The following LINGO3 variants were observed in gnomAD, a reference collection of about 807,000 sequenced individuals.
LINGO3 encodes the protein leucine-rich repeat and immunoglobulin-like domain-containing nogo receptor-interacting protein 3.
For missense variants in LINGO3, 750 were observed against 867.7 expected (o/e 0.86, Z 1.70); for synonymous variants, 427 against 444.2 (o/e 0.96, Z 0.49).
Position 2,290,086 on chromosome 19 carries a change from GAGA to G in LINGO3, c.1688_1690del (p.Phe563del), listed in dbSNP as rs779246489. The stretch of plus-strand genomic sequence containing the variant: ...CACCTTGCGGAAGGAGTACTCCACC[GAGA>G]AGTTGTTTTTGTGCTGCCCGCGGCC... On this transcript the variant is annotated inframe_deletion, in exon 1 of 1. Transcript: ENST00000585527. The surrounding 1 kb of genome is among the most constrained non-coding windows in gnomAD (Gnocchi z 6.0). The G allele has an allele frequency of 3.8e-6, 6 of 1,589,388 alleles. No individual in the cohort carries two copies. Among genetic ancestry groups the G allele is most frequent in the Non-Finnish European group, 5.1e-6 (6 of 1,168,898 alleles).
At chr19:2,295,135 G>T (rs776205573), upstream of LINGO3, among the ~76,000 whole-genome samples, 13 of 152,326 alleles carry the variant, frequency 8.5e-5, no homozygotes, top group Non-Finnish European at 1.5e-4. Flanking sequence ...TGAATTGTAC[G>T]TAAGTGAGGA....
the LINGO3 span, among the ~76,000 whole-genome samples, chr19:2,306,927 AC>A: frequency 6.6e-6 from 1 of 151,882 alleles, no homozygotes; most frequent in African/African-American, 2.4e-5. Flanking sequence ...GCGGCAGCCC[AC>A]CCCACACCAG....
the LINGO3 span, among the ~76,000 whole-genome samples, chr19:2,303,570 G>C: frequency 6.6e-6 from 1 of 152,296 alleles, no homozygotes; most frequent in South Asian, 2.1e-4. Context: ...GAGGTGTCCG[G>C]ACTTGCATCC....
chr19:2,303,396 G>A, the LINGO3 span, among the ~76,000 whole-genome samples: 12 of 152,232 alleles, frequency 7.9e-5, no homozygotes, highest in South Asian at 1.7e-3. Flanking sequence ...TGTGTTTGAC[G>A]GGCCCAGGGA....
the LINGO3 span, among the ~76,000 whole-genome samples, chr19:2,299,247 A>T: frequency 2.0e-5 from 3 of 152,094 alleles, no homozygotes; most frequent in South Asian, 6.2e-4. Flanking sequence ...GGGATCTGGC[A>T]GCTGGACTCA....
the LINGO3 span, among the ~76,000 whole-genome samples, chr19:2,297,598 C>T: frequency 3.3e-5 from 5 of 149,314 alleles, no homozygotes; most frequent in South Asian, 6.4e-4. Context: ...CCACCGCACC[C>T]GGCCTTTTTT....
the LINGO3 span, among the ~76,000 whole-genome samples, chr19:2,301,366 G>A: frequency 2.6e-5 from 4 of 151,954 alleles, no homozygotes; most frequent in Admixed American, 6.6e-5. Flanking sequence ...GCTGAGAAGC[G>A]TCCCTGGCCT....
downstream of LINGO3, among the ~76,000 whole-genome samples, chr19:2,288,395 C>T (rs1028691878): frequency 3.3e-5 from 5 of 152,190 alleles, no homozygotes; most frequent in African/African-American, 1.2e-4. This position sits in a 1 kb window ranked among gnomAD's most constrained non-coding sequence, Gnocchi z 6.5. Context: ...ACCTGAGCCA[C>T]GGGTCAGCAG....
chr19:2,287,912 C>T (rs1568410789), downstream of LINGO3, among the ~76,000 whole-genome samples: 1 of 152,196 alleles, frequency 6.6e-6, no homozygotes, highest in South Asian at 2.1e-4. The surrounding 1 kb of genome is among the most constrained non-coding windows in gnomAD (Gnocchi z 4.5). Flanking sequence ...AAGCCCCTTT[C>T]TGGCTGAGGT....
At chr19:2,301,836 G>A in the LINGO3 span, among the ~76,000 whole-genome samples, 1 of 150,096 alleles carries the variant, frequency 6.7e-6, no homozygotes, top group African/African-American at 2.5e-5. Flanking sequence ...GCTGAGGCAG[G>A]AGAATGGCGT....
At chr19:2,306,860 T>G in the LINGO3 span, among the ~76,000 whole-genome samples, 1 of 152,154 alleles carries the variant, frequency 6.6e-6, no homozygotes, top group Non-Finnish European at 1.5e-5. Flanking sequence ...ACTCAGATCC[T>G]GTCTCCGACG....
chr19:2,289,621 G>A (rs924151851), downstream of LINGO3, among the ~76,000 whole-genome samples: 1 of 151,998 alleles, frequency 6.6e-6, no homozygotes, highest in Non-Finnish European at 1.5e-5. Flanking sequence ...AGGGCTTGGG[G>A]GCAGCAGTCT....
the LINGO3 span, among the ~76,000 whole-genome samples, chr19:2,300,514 C>G: frequency 2.4e-4 from 37 of 152,156 alleles, no homozygotes; most frequent in African/African-American, 6.5e-4. Flanking sequence ...GGAACACCAT[C>G]TGCTCACAGA....
rs919986794 is a variant in LINGO3, at chr19:2,290,512, C to T, written c.1265G>A (p.Gly422Asp). The change falls in exon 1 of 1, where the codon GGC becomes GAC. Residue 422 changes from glycine to aspartate, a missense_variant. Physicochemically the swap from Gly to Asp is moderately conservative, Grantham distance 94. Coordinates refer to ENST00000585527, the Ensembl canonical transcript of LINGO3. The surrounding 1 kb of genome is among the most constrained non-coding windows in gnomAD (Gnocchi z 6.0). ...GCGGCAGAGGAAGCGGACGTCTTCG[C>T]CCGCGGTGGCCGTGACGCGCTGCAG... 11 of 1,505,916 alleles carry T rather than the reference C, an allele frequency of 7.3e-6. No homozygotes were observed. The Admixed American group carries it at 1.0e-4, about 14-fold the overall frequency. The allele number at this position is 1,505,916 out of a possible 1,614,324, so 93.3% of individuals were successfully genotyped here.
chr19:2,291,778 G>C (rs1393635309), exon 1 of LINGO3: 1 of 1,413,324 alleles, frequency 7.1e-7, no homozygotes, highest in Non-Finnish European at 9.2e-7. Flanking sequence ...GCAGGTCATG[G>C]TGCGGAGCGT....
At chr19:2,307,483 C>G in the LINGO3 span, among the ~76,000 whole-genome samples, 3 of 152,100 alleles carry the variant, frequency 2.0e-5, no homozygotes, top group Non-Finnish European at 4.4e-5. Context: ...GGCACCCACT[C>G]AGGGTGCCCA....
chr19:2,289,228 AAGCTGTGTGTCCCGGGTGTG>A (rs2025493607), downstream of LINGO3, among the ~76,000 whole-genome samples: 1 of 85,856 alleles, frequency 1.2e-5, no homozygotes, highest in Non-Finnish European at 2.3e-5. Context: ...TCCCGGGTGT[AAGCTGTGTGTCCCGGGTGTG>A]AGCTGTGTGT....
At chr19:2,287,466 G>C (rs1339230068), downstream of LINGO3, among the ~76,000 whole-genome samples, 2 of 152,198 alleles carry the variant, frequency 1.3e-5, no homozygotes, top group Admixed American at 1.3e-4. This position sits in a 1 kb window ranked among gnomAD's most constrained non-coding sequence, Gnocchi z 4.5. Flanking sequence ...GGTGGCGGTT[G>C]GGGTTGCACG....
chr19:2,308,142 AGCC>A, the LINGO3 span, among the ~76,000 whole-genome samples: 2,441 of 139,654 alleles, frequency 0.017, 67 homozygotes, highest in African/African-American at 0.049. Context: ...CGACACGAGC[AGCC>A]GCCGCCGCCG....
Sources: allele counts gnomAD v4.1 joint callset (sites outside exome capture counted in the v4.1 genomes callset), GRCh38; gene constraint gnomAD v4.1.1; non-coding constraint Gnocchi (gnomAD v3.1); transcripts MANE v1.5; gene names NCBI Gene and HGNC (gene_info 2026-07-23, HGNC 2026-07-21).